Variants in FAM107A observed in about 807,000 individuals in gnomAD.
FAM107A encodes the protein actin-associated protein FAM107A.
A neutral mutation model predicts 13.7 loss-of-function variants in FAM107A; 19 were observed. That is an observed-to-expected ratio of 1.38 (90% CI 0.97 to 2.03). FAM107A has a LOEUF of 2.03. Among genes scored for constraint, FAM107A ranks in the 30% most tolerant of loss-of-function variants. FAM107A has a pLI of 0.00. For synonymous variants in FAM107A, 82 were observed against 74.5 expected (o/e 1.10, Z -0.52); for missense variants, 203 against 184.4 (o/e 1.10, Z -0.58).
chr3:58,602,165 G>A lies in FAM107A; in HGVS notation c.-69-12896C>T, dbSNP rs533621283. Among the ~76,000 whole-genome samples, 7 of 152,278 alleles carry A rather than the reference G, an allele frequency of 4.6e-5. No homozygotes were observed. In the South Asian group the frequency reaches 1.5e-3, roughly 32 times the overall value. On this transcript the variant is annotated intron_variant, in intron 1 of 3. Coordinates refer to the FAM107A transcript ENST00000465970. ...ACAGGCTTTGCCAATGACTGGACAA[G>A]GGCAGTTCTCAGCAGGTGAAATCCA...
chr3:58,606,536 TTAGGGAATGCTATAGTC>T (rs1375994383), intron 1 of FAM107A, among the ~76,000 whole-genome samples: 1 of 152,232 alleles, frequency 6.6e-6, no homozygotes, highest in Non-Finnish European at 1.5e-5. Context: ...GAGCTGCCCC[TTAGGGAATGCTATAGTC>T]TGTAGCTCTC....
At chr3:58,610,745 GTGAAGCAGTGGCTGGT>G (rs879606976) in intron 1 of FAM107A, among the ~76,000 whole-genome samples, 1 of 152,222 alleles carries the variant, frequency 6.6e-6, no homozygotes, top group African/African-American at 2.4e-5. Flanking sequence ...GAGTGGATGG[GTGAAGCAGTGGCTGGT>G]TGAAGCAGTG....
At chr3:58,584,859 G>C (rs1193555322) in intron 1 of FAM107A, among the ~76,000 whole-genome samples, 1 of 152,230 alleles carries the variant, frequency 6.6e-6, no homozygotes, top group Admixed American at 6.5e-5. Context: ...CCGTAACGGG[G>C]CTCTTGAGGC....
At chr3:58,608,366 G>A (rs149123291) in intron 1 of FAM107A, among the ~76,000 whole-genome samples, 1 of 152,264 alleles carries the variant, frequency 6.6e-6, no homozygotes, top group East Asian at 1.9e-4. Flanking sequence ...AAGGAAATGG[G>A]CTTGTCTAAG....
At position 58,613,939 on chromosome 3, in the gene FAM107A, C is replaced by A. The variant is rs908217103; in HGVS notation, c.-70+13477G>T. On this transcript the variant is annotated intron_variant, in intron 1 of 3. Coordinates refer to the FAM107A transcript ENST00000465970. This position sits in a 1 kb window ranked among gnomAD's most constrained non-coding sequence, Gnocchi z 4.6. Reference sequence around the variant, plus strand: ...CCACAACTCCCTGCAGCCTGCTGTACCTGGGAAGTGCCAGTGGGCTGGACC... The same window carrying A: ...CCACAACTCCCTGCAGCCTGCTGTAACTGGGAAGTGCCAGTGGGCTGGACC... Among the ~76,000 whole-genome samples, 2 of 152,202 alleles carry A rather than the reference C, an allele frequency of 1.3e-5. No homozygotes were observed. The highest frequency in any genetic ancestry group is 2.9e-5 in the Non-Finnish European group (2 of 68,028).
intron 1 of FAM107A, among the ~76,000 whole-genome samples, chr3:58,610,664 T>C (rs2065845005): frequency 1.3e-5 from 2 of 152,230 alleles, no homozygotes; most frequent in Admixed American, 1.3e-4. Context: ...AATAAATCCA[T>C]CTGTTAAAAG....
At position 58,567,346 on chromosome 3, in the gene FAM107A, G is replaced by A; in HGVS notation, c.189C>T (p.Ser63=). Residue 63 remains serine, a synonymous_variant, in exon 3 of 4, where the codon AGC becomes AGT. Coordinates refer to ENST00000360997, the MANE Select transcript of FAM107A (RefSeq NM_001076778.3). ...MNHRRGLGVD[S]KPELQRVLEH... is the part of the protein sequence containing the mutation. ...CTAGGACACGCTGCAGCTCTGGCTTGCTGTCCACACCAAGGCCCCTGGGGT... is the reference window on the plus strand; with the variant it reads ...CTAGGACACGCTGCAGCTCTGGCTTACTGTCCACACCAAGGCCCCTGGGGT... The A allele has an allele frequency of 1.9e-6, 3 of 1,611,268 alleles. No homozygotes were observed. Among genetic ancestry groups the A allele is most frequent in the Middle Eastern group, 1.9e-4 (1 of 5,288 alleles).
intron 1 of FAM107A, among the ~76,000 whole-genome samples, chr3:58,614,910 A>T (rs1403501803): frequency 6.6e-6 from 1 of 152,190 alleles, no homozygotes; most frequent in Non-Finnish European, 1.5e-5. Context: ...GGTTCAAGTG[A>T]TTCTACCACC....
At chr3:58,571,726 C>T (rs548615386) in intron 1 of FAM107A, among the ~76,000 whole-genome samples, 19 of 152,298 alleles carry the variant, frequency 1.2e-4, no homozygotes, top group Middle Eastern at 3.4e-3. Context: ...TGTCAAGTGT[C>T]GCCCATCCTT....
exon 1 of FAM107A, chr3:58,587,042 G>A: frequency 7.3e-7 from 1 of 1,373,486 alleles, no homozygotes; most frequent in Non-Finnish European, 9.4e-7. Context: ...GCGGCCCCAA[G>A]TCCCAAACCC....
chr3:58,580,374 C>G (rs1268072712), upstream of FAM107A, among the ~76,000 whole-genome samples: 1 of 110,774 alleles, frequency 9.0e-6, no homozygotes, highest in Non-Finnish European at 1.9e-5. Flanking sequence ...AATGCTCTTG[C>G]TTTTTTTTTT....
chr3:58,584,306 A>C (rs758258542), intron 1 of FAM107A, among the ~76,000 whole-genome samples: 2 of 152,158 alleles, frequency 1.3e-5, no homozygotes, highest in Non-Finnish European at 2.9e-5. Context: ...ACATCCCTGC[A>C]CCTTGGAAAA....
intron 1 of FAM107A, among the ~76,000 whole-genome samples, chr3:58,594,119 C>G (rs753738352): frequency 6.6e-6 from 1 of 152,140 alleles, no homozygotes; most frequent in East Asian, 1.9e-4. Flanking sequence ...CTCCAAAGCC[C>G]AACTATGGAC....
chr3:58,567,103 GTCTGCTGATCC>G, intron 3 of FAM107A, 94 bp downstream of exon 3: 1 of 1,388,270 alleles, frequency 7.2e-7, no homozygotes, highest in East Asian at 2.3e-5. Context: ...CCAGTGCTCT[GTCTGCTGATCC>G]TCTTCCCTCT....
At chr3:58,614,794 C>T (rs1205581062) in intron 1 of FAM107A, among the ~76,000 whole-genome samples, 3 of 150,730 alleles carry the variant, frequency 2.0e-5, no homozygotes, top group Non-Finnish European at 2.9e-5. Context: ...TGTGAGCCAC[C>T]GCACCAGGAC....
intron 1 of FAM107A, among the ~76,000 whole-genome samples, chr3:58,595,819 G>A (rs2065702852): frequency 1.3e-5 from 2 of 152,150 alleles, no homozygotes; most frequent in African/African-American, 4.8e-5. Context: ...CAAGGCAGAG[G>A]GCTCTCTCCC....
At chr3:58,612,383 G>A (rs1418022818) in intron 1 of FAM107A, among the ~76,000 whole-genome samples, 1 of 152,036 alleles carries the variant, frequency 6.6e-6, no homozygotes, top group African/African-American at 2.4e-5. Flanking sequence ...AGTTGGAGAC[G>A]AGCCTAGGCA....
At chr3:58,587,474 AGTGTGT>A (rs376881213), upstream of FAM107A, among the ~76,000 whole-genome samples, 8,695 of 145,360 alleles carry the variant, frequency 0.06, 274 homozygotes, top group African/African-American at 0.068. Context: ...ATCAGCTTAG[AGTGTGT>A]GTGTGTGTGT....
At chr3:58,624,856 C>T (rs144080762) in intron 1 of FAM107A, among the ~76,000 whole-genome samples, 98 of 152,274 alleles carry the variant, frequency 6.4e-4, no homozygotes, top group Middle Eastern at 6.8e-3. Flanking sequence ...TTTTGCCTGC[C>T]TATTAGTCTC....
Sources: allele counts gnomAD v4.1 joint callset (sites outside exome capture counted in the v4.1 genomes callset), GRCh38; gene constraint gnomAD v4.1.1; non-coding constraint Gnocchi (gnomAD v3.1); transcripts MANE v1.5; gene names NCBI Gene and HGNC (gene_info 2026-07-23, HGNC 2026-07-21).